BRD4: variants seen among roughly 807,000 people sequenced by gnomAD.
BRD4 encodes bromodomain containing 4, also known as bromodomain-containing protein 4.
BRD4 carries 16 observed loss-of-function variants against 142.1 expected under a neutral mutation model. The observed-to-expected ratio is 0.11, with a 90% CI of 0.08 to 0.17. The LOEUF is 0.17. Among genes scored for constraint, BRD4 ranks in the 10% least tolerant of loss-of-function variants. BRD4 has a pLI of 1.00. For missense variants in BRD4, 1,424 were observed against 1,810.9 expected (o/e 0.79, Z 3.88); for synonymous variants, 833 against 707.5 (o/e 1.18, Z -2.82).
intron 1 of BRD4, among the ~76,000 whole-genome samples, chr19:15,303,003 G>A (rs1225297265): frequency 3.4e-4 from 45 of 134,238 alleles, no homozygotes; most frequent in African/African-American, 1.1e-3. Context: ...GCGAGACTCC[G>A]TCGCAAAAAA....
At chr19:15,286,286 G>A (rs1053473113) in intron 1 of BRD4, among the ~76,000 whole-genome samples, 2 of 152,214 alleles carry the variant, frequency 1.3e-5, no homozygotes, top group African/African-American at 4.8e-5. Context: ...ACACAGTGCT[G>A]CAGCAAGACC....
chr19:15,239,631 C>T lies in BRD4; in HGVS notation c.3445+28G>A. 3.8e-6 allele frequency: 6 copies of T among 1,562,312 alleles called. No individual in the cohort carries two copies. The highest frequency in any genetic ancestry group is 5.2e-6 in the Non-Finnish European group (6 of 1,163,248). ...AACACGGGCCTCGGGGGGCCTGAGC[C>T]CTGGCTGTGGGCAGGGAGAGCACTC... On this transcript the variant is annotated intron_variant, in intron 16 of 19. Coordinates refer to ENST00000679869, the MANE Select transcript of BRD4 (RefSeq NM_001379291.1). The surrounding 1 kb of genome is among the most constrained non-coding windows in gnomAD (Gnocchi z 7.4).
At chr19:15,323,198 A>T (rs962345118) in intron 1 of BRD4, among the ~76,000 whole-genome samples, 1 of 150,764 alleles carries the variant, frequency 6.6e-6, no homozygotes, top group South Asian at 2.1e-4. Context: ...AAAAAAAAAA[A>T]AAAAAAGAAC....
In BRD4 at chr19:15,239,613, G is replaced by T; in HGVS notation, c.3445+46C>A. On this transcript the variant is annotated intron_variant, in intron 16 of 19. Coordinates refer to ENST00000679869, the MANE Select transcript of BRD4 (RefSeq NM_001379291.1). This position sits in a 1 kb window ranked among gnomAD's most constrained non-coding sequence, Gnocchi z 7.4. ...CACAGCAAGCTTATGTCCAACACGGGCCTCGGGGGGCCTGAGCCCTGGCTG... is the reference window on the plus strand; with the variant it reads ...CACAGCAAGCTTATGTCCAACACGGTCCTCGGGGGGCCTGAGCCCTGGCTG... 1.3e-6 allele frequency: 2 copies of T among 1,556,574 alleles called. No individual in the cohort carries two copies. The highest frequency in any genetic ancestry group is 8.6e-7 in the Non-Finnish European group (1 of 1,159,996).
chr19:15,263,533 G>T lies in BRD4; in HGVS notation c.1228C>A (p.Arg410Ser). Residue 410 changes from arginine (R) to serine (S), a missense_variant, in exon 7 of 20, where the codon CGT (arginine) becomes AGT (serine). Arg to Ser is a moderately radical substitution (Grantham distance 110, BLOSUM62 -1). This residue lies in a region of BRD4 where 26 missense variants were observed against 20.2 expected (regional missense o/e 1.29). Coordinates refer to ENST00000679869, the MANE Select transcript of BRD4 (RefSeq NM_001379291.1). The stretch of plus-strand genomic sequence containing the variant: ...AACTCCTGAGCATCACGGTACTCAC[G>T]GGCCTCCAGTTTAGACTGGAAAACA... ...MSTIKSKLEA[R>S]EYRDAQEFGA... 3 of 1,614,186 alleles carry T rather than the reference G, an allele frequency of 1.9e-6. No homozygotes were observed. Among genetic ancestry groups the T allele is most frequent in the Non-Finnish European group, 2.5e-6 (3 of 1,180,032 alleles).
At chr19:15,296,913 T>A (rs2047827627) in intron 1 of BRD4, among the ~76,000 whole-genome samples, 1 of 148,872 alleles carries the variant, frequency 6.7e-6, no homozygotes. Context: ...GAGTAGGCTC[T>A]GACGGCAGAA....
chr19:15,305,207 C>T (rs1267168329), intron 1 of BRD4, among the ~76,000 whole-genome samples: 1 of 151,938 alleles, frequency 6.6e-6, no homozygotes, highest in Non-Finnish European at 1.5e-5. Flanking sequence ...CCACGCCTGG[C>T]TAATTTTGTA....
chr19:15,250,058 G>T (rs975399373), intron 11 of BRD4, among the ~76,000 whole-genome samples: 1 of 152,148 alleles, frequency 6.6e-6, no homozygotes, highest in African/African-American at 2.4e-5. Context: ...TAGCAGAGCG[G>T]ATGCCTCTGC....
rs181324691 is a variant in BRD4 at position 15,290,692 on chromosome 19, C to T, written c.-34-17559G>A. Among the ~76,000 whole-genome samples the T allele has an allele frequency of 1.6e-3, 237 of 152,220 alleles. 1 individual carries two copies. Among genetic ancestry groups the T allele is most frequent in the African/African-American group, 5.5e-3 (230 of 41,514 alleles). On this transcript the variant is annotated intron_variant, in intron 1 of 19. Transcript: ENST00000679869. ...TGGGACTCTGCCTCAGATGGTAAAG[C>T]TCACAACATATACACCCGCTTCTCA... is the stretch of plus-strand genomic sequence containing the variant.
At chr19:15,322,707 A>C (rs2048073213) in intron 1 of BRD4, among the ~76,000 whole-genome samples, 1 of 150,174 alleles carries the variant, frequency 6.7e-6, no homozygotes, top group East Asian at 2.0e-4. Context: ...CAAAAAAAAA[A>C]AAAAAAAAAA....
chr19:15,278,775 C>T (rs1032287541), intron 1 of BRD4, among the ~76,000 whole-genome samples: 3 of 151,954 alleles, frequency 2.0e-5, no homozygotes, highest in Non-Finnish European at 2.9e-5. Context: ...TTGGGAACTT[C>T]TGGGTTAATG....
intron 11 of BRD4, chr19:15,248,614 C>T (rs900991972): frequency 9.3e-5 from 21 of 226,682 alleles, no homozygotes; most frequent in Non-Finnish European, 1.6e-4. Flanking sequence ...TGCACGGGAA[C>T]AATGGAGACG....
chr19:15,287,777 CT>C (rs57365607), intron 1 of BRD4, among the ~76,000 whole-genome samples: 113 of 145,430 alleles, frequency 7.8e-4, no homozygotes, highest in Admixed American at 8.9e-4. Flanking sequence ...CTCTGAATTT[CT>C]TTTTTTTTTT....
At chr19:15,331,516 T>C (rs781277431) in intron 1 of BRD4, among the ~76,000 whole-genome samples, 78 of 152,300 alleles carry the variant, frequency 5.1e-4, no homozygotes, top group Non-Finnish European at 7.9e-4. Context: ...GCTGCCAGGC[T>C]GAGAGTGGGT....
intron 1 of BRD4, among the ~76,000 whole-genome samples, chr19:15,300,525 A>C (rs1431106694): frequency 1.3e-5 from 2 of 152,202 alleles, no homozygotes; most frequent in East Asian, 3.8e-4. Flanking sequence ...ACTGCACTCC[A>C]GCCTGGGTGA....
intron 1 of BRD4, among the ~76,000 whole-genome samples, chr19:15,310,213 C>CTCAGTCCTT (rs1491413325): frequency 2.5e-5 from 3 of 122,408 alleles, no homozygotes; most frequent in African/African-American, 9.2e-5. Context: ...TTAAACAGTC[C>CTCAGTCCTT]TTTTTTTTTT....
At position 15,236,867 on chromosome 19, in the gene BRD4, G is replaced by T. The variant is rs181931278; in HGVS notation, c.*1510C>A. ...AAAAAGAGAGATGTGTTTATTCCAT[G>T]ATCAGTACAGACCAAATGCATATTC... is the stretch of plus-strand genomic sequence containing the variant. On this transcript the variant is annotated 3_prime_UTR_variant, in exon 20 of 20. Coordinates refer to ENST00000679869, the MANE Select transcript of BRD4 (RefSeq NM_001379291.1). 63 of 194,940 alleles carry T rather than the reference G, an allele frequency of 3.2e-4. No homozygotes were observed. The highest frequency in any genetic ancestry group is 5.8e-4 in the Non-Finnish European group (54 of 93,662). 12.1% of individuals were successfully genotyped at this position (194,940 alleles called of 1,614,324 possible). A position where few individuals can be genotyped will look rare whatever the true frequency, so the allele number is the denominator to read the frequency against.
intron 11 of BRD4, chr19:15,248,046 A>T (rs891291209): frequency 9.1e-6 from 2 of 219,476 alleles, no homozygotes; most frequent in Non-Finnish European, 1.8e-5. Context: ...CAGTTCCAGA[A>T]GAAGGCAGGC....
rs1568387447 is a variant in BRD4 at position 15,263,406 on chromosome 19, C to A, written c.1341+14G>T. The A allele has an allele frequency of 2.5e-6, 4 of 1,612,726 alleles. No homozygotes were observed. In the Admixed American group the frequency reaches 6.7e-5, roughly 27 times the overall value. On this transcript the variant is annotated intron_variant, in intron 7 of 19. Transcript: ENST00000679869. ...CTGCTCTGCTGAGGGTGGCTGCGCC[C>A]TCCCAAGCCTCACCTGGAGCTTGCG...
Sources: allele counts gnomAD v4.1 joint callset (sites outside exome capture counted in the v4.1 genomes callset), GRCh38; gene constraint gnomAD v4.1.1; regional missense constraint gnomAD v4.1.1; non-coding constraint Gnocchi (gnomAD v3.1); transcripts MANE v1.5; gene names NCBI Gene and HGNC (gene_info 2026-07-23, HGNC 2026-07-21).